SEMA3A: variants seen among roughly 807,000 people sequenced by gnomAD.
SEMA3A encodes the protein semaphorin-3A.
Under a neutral mutation model 97.9 loss-of-function variants are expected in SEMA3A, and 29 were observed. That is an observed-to-expected ratio of 0.30 (90% CI 0.22 to 0.40). The LOEUF (loss-of-function observed/expected upper bound fraction) is 0.40. Ranked by LOEUF, SEMA3A falls within the 10% of genes least tolerant of loss-of-function variation. The pLI is 1.00. For missense variants in SEMA3A, 763 were observed against 951.3 expected, an observed-to-expected ratio of 0.80 and a Z score of 2.60; for synonymous variants, 321 against 323.7, an observed-to-expected ratio of 0.99 and a Z score of 0.09.
At chr7:83,980,513 G>T (rs138681152) in intron 14 of SEMA3A, among the ~76,000 whole-genome samples, 3,745 of 148,666 alleles carry the variant, frequency 0.025, 158 homozygotes, top group East Asian at 0.19. Context: ...GGTGAGACAG[G>T]AGAATCTCTT....
chr7:84,023,619 G>A (rs572560785), intron 6 of SEMA3A, among the ~76,000 whole-genome samples: 35 of 152,268 alleles, frequency 2.3e-4, no homozygotes, highest in Middle Eastern at 3.4e-3. Context: ...GAGCAGGGAA[G>A]GCGGAACATA....
intron 2 of SEMA3A, among the ~76,000 whole-genome samples, chr7:84,350,797 A>G (rs1239300303): frequency 1.3e-5 from 2 of 152,092 alleles, no homozygotes; most frequent in African/African-American, 4.8e-5. Flanking sequence ...TATTTTCATA[A>G]CTTGTATTTC....
At chr7:84,272,037 T>A (rs1800164565) in intron 3 of SEMA3A, among the ~76,000 whole-genome samples, 1 of 152,130 alleles carries the variant, frequency 6.6e-6, no homozygotes, top group Non-Finnish European at 1.5e-5. Flanking sequence ...ATGTGTGTAC[T>A]GCTGATAGAT....
chr7:84,008,293 C>T (rs1395933605), intron 9 of SEMA3A, among the ~76,000 whole-genome samples: 1 of 152,038 alleles, frequency 6.6e-6, no homozygotes, highest in East Asian at 1.9e-4. Flanking sequence ...AGATCGAGAC[C>T]ATCCTGGCTA....
chr7:84,049,433 A>C (rs977133640), intron 5 of SEMA3A, among the ~76,000 whole-genome samples: 3 of 152,226 alleles, frequency 2.0e-5, no homozygotes, highest in Admixed American at 2.0e-4. Context: ...TTGCCCAAAA[A>C]CACAAGCAGT....
At chr7:83,966,424 T>A (rs1050112253) in intron 15 of SEMA3A, among the ~76,000 whole-genome samples, 4 of 152,198 alleles carry the variant, frequency 2.6e-5, no homozygotes, top group African/African-American at 9.6e-5. Flanking sequence ...ATAGGTTAAT[T>A]TGGTTTATGA....
rs186928838 is a variant in SEMA3A, at chr7:83,991,266, C to G, written c.1453-5789G>C. On this transcript the variant is annotated intron_variant, in intron 12 of 16. Transcript: ENST00000265362. ...GATATACGATCATGTCGTCTGCAAA[C>G]AGGGACAATTTGACTTCCTCTTTTC... Among the ~76,000 whole-genome samples the G allele has an allele frequency of 1.1e-4, 17 of 152,186 alleles. No homozygotes were observed. In the East Asian group the frequency reaches 3.3e-3, roughly 30 times the overall value.
At chr7:84,159,639 T>G (rs2116158353) in intron 1 of SEMA3A, among the ~76,000 whole-genome samples, 1 of 152,250 alleles carries the variant, frequency 6.6e-6, no homozygotes, top group East Asian at 1.9e-4. Context: ...AGAAAAGCTT[T>G]CCAACATTAA....
chr7:84,178,907 T>C (rs573636619), intron 1 of SEMA3A, among the ~76,000 whole-genome samples: 1 of 152,298 alleles, frequency 6.6e-6, no homozygotes, highest in African/African-American at 2.4e-5. Context: ...TTGCTTTTCA[T>C]TCATTCTACT....
chr7:84,373,793 C>T (rs1803032717), intron 1 of SEMA3A, among the ~76,000 whole-genome samples: 1 of 152,146 alleles, frequency 6.6e-6, no homozygotes, highest in Admixed American at 6.5e-5. Context: ...TCATATAATG[C>T]ATACATAGTA....
chr7:84,074,790 G>A (rs1793877106), intron 4 of SEMA3A, among the ~76,000 whole-genome samples: 1 of 151,504 alleles, frequency 6.6e-6, no homozygotes, highest in Non-Finnish European at 1.5e-5. Context: ...TTGTTATTAT[G>A]CTTACTCAAA....
In SEMA3A at chr7:84,018,139, CT is replaced by C. The variant is rs149257497; in HGVS notation, c.668-3789del. ...GACAAATATACATCTTTAATGTATT[CT>C]GTAAAGATGGTGTTGTTACCTGCTG... On this transcript the variant is annotated intron_variant, in intron 6 of 16. Transcript: ENST00000265362. 2.0e-3 allele frequency among the ~76,000 whole-genome samples: 302 copies of C among 152,254 alleles called. 2 individuals are homozygous for C. In the East Asian group the frequency reaches 0.026, roughly 13 times the overall value.
intron 3 of SEMA3A, among the ~76,000 whole-genome samples, chr7:84,208,383 C>G (rs867115079): frequency 1.1e-4 from 17 of 148,974 alleles, no homozygotes; most frequent in Middle Eastern, 3.5e-3. Flanking sequence ...ACCCGGGAGG[C>G]GGAGCTTGCA....
In SEMA3A at chr7:84,063,116, C is replaced by T. The variant is rs544569981; in HGVS notation, c.454-2558G>A. ...CCTCAAGTGGGTCCCTGACCCCTGA[C>T]CCCTAAGCAACCTAACTGTGAGGCA... On this transcript the variant is annotated intron_variant, in intron 4 of 16. Transcript: ENST00000265362. Among the ~76,000 whole-genome samples the T allele has an allele frequency of 6.0e-5, 9 of 151,048 alleles. No individual in the cohort carries two copies. The South Asian group carries it at 1.5e-3, about 25-fold the overall frequency.
chr7:84,071,732 G>C (rs1793747881), intron 4 of SEMA3A, among the ~76,000 whole-genome samples: 1 of 151,980 alleles, frequency 6.6e-6, no homozygotes, highest in African/African-American at 2.4e-5. Context: ...TTGATATTCG[G>C]TGATGCATGT....
chr7:84,450,480 A>T (rs1805527614), intron 1 of SEMA3A, among the ~76,000 whole-genome samples: 1 of 152,190 alleles, frequency 6.6e-6, no homozygotes, highest in Admixed American at 6.5e-5. Context: ...AGGCTATAAA[A>T]TGCAGAGCTT....
At chr7:84,098,191 CATA>C (rs1189031561) in intron 4 of SEMA3A, among the ~76,000 whole-genome samples, 2 of 151,842 alleles carry the variant, frequency 1.3e-5, no homozygotes, top group African/African-American at 2.4e-5. Context: ...ATTACATGAT[CATA>C]ATATTAGGAA....
At chr7:83,987,549 A>G (rs574756539) in intron 12 of SEMA3A, among the ~76,000 whole-genome samples, 33 of 152,192 alleles carry the variant, frequency 2.2e-4, no homozygotes, top group Non-Finnish European at 4.6e-4. Flanking sequence ...TGTCTTTCCA[A>G]TTGCCTCTCC....
intron 5 of SEMA3A, among the ~76,000 whole-genome samples, chr7:84,056,622 AACACACAC>A (rs372931551): frequency 6.6e-6 from 1 of 150,578 alleles, no homozygotes; most frequent in Non-Finnish European, 1.5e-5. Context: ...CACACACAGA[AACACACAC>A]ACACACACAT....
Sources: gnomAD v4.1 joint callset for allele counts (sites outside exome capture counted in the v4.1 genomes callset) on GRCh38, gnomAD v4.1.1 for gene constraint, MANE v1.5 for transcripts, NCBI Gene and HGNC (gene_info 2026-07-23, HGNC 2026-07-21) for gene names.